IGFBP7: variants seen among roughly 807,000 people sequenced by gnomAD.
IGFBP7 encodes the protein insulin like growth factor binding protein 7.
Under a neutral mutation model 29.4 loss-of-function variants are expected in IGFBP7, and 31 were observed. The observed-to-expected ratio is 1.05, with a 90% CI of 0.79 to 1.42. IGFBP7 has a LOEUF of 1.42. IGFBP7 is among the 40% of genes most tolerant of loss of function. The pLI, the probability that IGFBP7 is intolerant of heterozygous loss-of-function variation, is 0.00. For synonymous variants in IGFBP7, 172 were observed against 174.9 expected, an observed-to-expected ratio of 0.98 and a Z score of 0.13; for missense variants, 393 against 395.5, an observed-to-expected ratio of 0.99 and a Z score of 0.05.
At chr4:57,054,252 T>TA (rs1430993757) in intron 1 of IGFBP7, among the ~76,000 whole-genome samples, 2 of 45,196 alleles carry the variant, frequency 4.4e-5, no homozygotes, top group African/African-American at 1.0e-4. Context: ...GAACTACCTG[T>TA]AAGGGAGGCT....
intron 1 of IGFBP7, among the ~76,000 whole-genome samples, chr4:57,091,621 C>T (rs558283278): frequency 4.8e-4 from 73 of 152,338 alleles, no homozygotes; most frequent in Non-Finnish European, 8.4e-4. Flanking sequence ...TGTGCTGTTA[C>T]TGTTCCTATC....
chr4:57,069,568 G>A (rs958392504), intron 1 of IGFBP7, among the ~76,000 whole-genome samples: 2 of 152,150 alleles, frequency 1.3e-5, no homozygotes, highest in African/African-American at 2.4e-5. Context: ...GGAGGTGGAG[G>A]TAGAAGCATT....
chr4:57,090,289 C>T (rs1383161843), intron 1 of IGFBP7, among the ~76,000 whole-genome samples: 1 of 152,186 alleles, frequency 6.6e-6, no homozygotes, highest in Non-Finnish European at 1.5e-5. Context: ...AGTCTTGCTA[C>T]CATGAGAAAC....
At chr4:57,056,662 A>G (rs1355051431) in intron 1 of IGFBP7, among the ~76,000 whole-genome samples, 1 of 152,200 alleles carries the variant, frequency 6.6e-6, no homozygotes, top group Non-Finnish European at 1.5e-5. Flanking sequence ...AAGGCAAGTC[A>G]CCCTTGCTTT....
intron 1 of IGFBP7, among the ~76,000 whole-genome samples, chr4:57,074,860 T>C (rs11934877): frequency 0.14 from 21,815 of 152,260 alleles, 1,647 homozygotes; most frequent in Admixed American, 0.15. Flanking sequence ...AATATAGCAT[T>C]ATCTGCTTTG....
intron 1 of IGFBP7, among the ~76,000 whole-genome samples, chr4:57,096,943 C>T (rs914584009): frequency 2.6e-5 from 4 of 152,200 alleles, no homozygotes; most frequent in East Asian, 1.9e-4. Context: ...TTATTATTTC[C>T]GCCAATAAGA....
At chr4:57,066,617 G>A (rs1438403251) in intron 1 of IGFBP7, among the ~76,000 whole-genome samples, 2 of 151,854 alleles carry the variant, frequency 1.3e-5, no homozygotes, top group African/African-American at 4.8e-5. Context: ...AGGCTGGAGT[G>A]CATTGGTGTG....
At chr4:57,099,307 G>A (rs1000450197) in intron 1 of IGFBP7, among the ~76,000 whole-genome samples, 9 of 152,154 alleles carry the variant, frequency 5.9e-5, no homozygotes, top group Non-Finnish European at 1.2e-4. Flanking sequence ...AATGGATTAT[G>A]CTTAATTGAG....
At chr4:57,044,647 T>C (rs1255475504) in intron 1 of IGFBP7, among the ~76,000 whole-genome samples, 2 of 152,220 alleles carry the variant, frequency 1.3e-5, no homozygotes, top group African/African-American at 2.4e-5. Context: ...AATGCCTTTG[T>C]GGAAATCTGT....
At chr4:57,031,413 G>A (rs1723923569) in intron 4 of IGFBP7, 77 bp from the exon 5 acceptor site, 2 of 1,015,090 alleles carry the variant, frequency 2.0e-6, no homozygotes, top group Non-Finnish European at 3.1e-6. Context: ...AGGTAGTTGA[G>A]TGTTTCCAAA....
intron 1 of IGFBP7, among the ~76,000 whole-genome samples, chr4:57,050,870 C>T (rs1446465206): frequency 6.6e-6 from 1 of 152,092 alleles, no homozygotes; most frequent in Non-Finnish European, 1.5e-5. Context: ...TTGCTGAGTA[C>T]ATGCTAACAT....
Position 57,095,158 on chromosome 4 carries a change from C to A in IGFBP7, c.475+14719G>T, listed in dbSNP as rs180916232. On this transcript the variant is annotated intron_variant, in intron 1 of 4. Coordinates refer to ENST00000295666, the MANE Select transcript of IGFBP7 (RefSeq NM_001553.3). The stretch of plus-strand genomic sequence containing the variant: ...ATACGGGTGTTAGACAAGCTTCATT[C>A]TGGCTTGAGCTGCAGTGCTTGCTGT... Among the ~76,000 whole-genome samples the A allele has an allele frequency of 6.1e-3, 931 of 152,336 alleles. 4 individuals are homozygous for A. Among genetic ancestry groups the A allele is most frequent in the Non-Finnish European group, 8.6e-3 (587 of 68,034 alleles).
At chr4:57,035,600 A>G (rs1188510047) in intron 2 of IGFBP7, among the ~76,000 whole-genome samples, 1 of 152,096 alleles carries the variant, frequency 6.6e-6, no homozygotes, top group Non-Finnish European at 1.5e-5. Flanking sequence ...AGCTGGGATT[A>G]CAGGCATGTG....
At chr4:57,080,249 C>A (rs1725334111) in intron 1 of IGFBP7, among the ~76,000 whole-genome samples, 1 of 152,114 alleles carries the variant, frequency 6.6e-6, no homozygotes, top group Non-Finnish European at 1.5e-5. Context: ...GTAAGAAAAG[C>A]AAGAAATGTC....
intron 1 of IGFBP7, among the ~76,000 whole-genome samples, chr4:57,099,840 T>C (rs894267495): frequency 1.3e-5 from 2 of 151,856 alleles, no homozygotes; most frequent in Non-Finnish European, 2.9e-5. Context: ...AAAGTGATCC[T>C]CACACCTCAG....
intron 2 of IGFBP7, among the ~76,000 whole-genome samples, chr4:57,039,987 G>C (rs548709864): frequency 6.6e-6 from 1 of 151,964 alleles, no homozygotes; most frequent in African/African-American, 2.4e-5. Context: ...TTTATTAAAA[G>C]AATATCATGC....
chr4:57,072,282 G>A (rs1356558739), intron 1 of IGFBP7, among the ~76,000 whole-genome samples: 1 of 152,092 alleles, frequency 6.6e-6, no homozygotes, highest in Non-Finnish European at 1.5e-5. Flanking sequence ...GTTTGCTAAG[G>A]ATAATGGCCT....
intron 1 of IGFBP7, among the ~76,000 whole-genome samples, chr4:57,051,191 G>A (rs1427867147): frequency 6.6e-6 from 1 of 152,212 alleles, no homozygotes; most frequent in Non-Finnish European, 1.5e-5. Context: ...GATGAAACAA[G>A]TGGAAGCTTC....
intron 1 of IGFBP7, among the ~76,000 whole-genome samples, chr4:57,081,237 A>G (rs1725359664): frequency 1.3e-5 from 2 of 152,100 alleles, no homozygotes; most frequent in South Asian, 4.2e-4. Context: ...TCACTTTGGA[A>G]TTGCCCATTT....
Sources: gnomAD v4.1 joint callset for allele counts (sites outside exome capture counted in the v4.1 genomes callset) on GRCh38, gnomAD v4.1.1 for gene constraint, MANE v1.5 for transcripts, NCBI Gene and HGNC (gene_info 2026-07-23, HGNC 2026-07-21) for gene names.